The following MYO18B variants were observed in gnomAD, a reference collection of about 807,000 sequenced individuals.
The protein encoded by MYO18B is myosin XVIIIB.
In MYO18B, 204 loss-of-function variants were observed where a neutral mutation model predicts 273.0. That is an observed-to-expected ratio of 0.75 (90% CI 0.67 to 0.84). MYO18B has a LOEUF of 0.84. Among genes scored for constraint, MYO18B ranks in the 40% least tolerant of loss-of-function variants. The probability of loss-of-function intolerance (pLI) is 0.00; values close to 1 mark genes in which losing one functional copy is unlikely to be tolerated. For missense variants in MYO18B, 3,212 were observed against 3,287.6 expected (o/e 0.98, Z 0.56); for synonymous variants, 1,330 against 1,305.7 (o/e 1.02, Z -0.40).
Position 25,769,348 on chromosome 22 carries a change from C to A in MYO18B, c.1432C>A (p.Pro478Thr). The A allele has an allele frequency of 1.9e-6, 3 of 1,577,170 alleles. No individual in the cohort carries two copies. The highest frequency in any genetic ancestry group is 2.6e-6 in the Non-Finnish European group (3 of 1,162,008). ...QPALEKDAER[P>T]RIRKENQDGP... ...TGCTCTGGAGAAGGATGCAGAAAGGCCTCGGATACGGAAGGAGAACCAAGA... is the reference window on the plus strand; with the variant it reads ...TGCTCTGGAGAAGGATGCAGAAAGGACTCGGATACGGAAGGAGAACCAAGA... Residue 478 changes from proline (P) to threonine (T), a missense_variant, in exon 4 of 44, where the codon CCT becomes ACT. Transcript: ENST00000335473.
intron 39 of MYO18B, among the ~76,000 whole-genome samples, chr22:25,965,816 A>C (rs1258322099): frequency 2.0e-5 from 3 of 152,138 alleles, no homozygotes; most frequent in Non-Finnish European, 4.4e-5. Context: ...AAATTCCCTA[A>C]AATTTAGCTA....
intron 34 of MYO18B, among the ~76,000 whole-genome samples, chr22:25,936,859 G>T (rs1467701194): frequency 6.6e-6 from 1 of 151,996 alleles, no homozygotes; most frequent in Admixed American, 6.6e-5. Context: ...TCTCATCATG[G>T]AGGCCCCACC....
At chr22:25,975,328 A>G (rs1230878764) in intron 39 of MYO18B, among the ~76,000 whole-genome samples, 1 of 152,122 alleles carries the variant, frequency 6.6e-6, no homozygotes, top group Non-Finnish European at 1.5e-5. Flanking sequence ...AGATCGCAAA[A>G]GTGTACGGAG....
chr22:25,796,839 C>T (rs925674289), intron 11 of MYO18B, among the ~76,000 whole-genome samples: 1 of 152,224 alleles, frequency 6.6e-6, no homozygotes, highest in Non-Finnish European at 1.5e-5. Flanking sequence ...TTAAAGCCCA[C>T]GCCCTTTAGT....
At chr22:26,051,405 A>T in the MYO18B span, among the ~76,000 whole-genome samples, 1 of 151,892 alleles carries the variant, frequency 6.6e-6, no homozygotes. Flanking sequence ...TTGTATTTTT[A>T]GTAGAGACAG....
intron 1 of MYO18B, among the ~76,000 whole-genome samples, chr22:25,750,858 G>A (rs560926740): frequency 6.6e-6 from 1 of 152,266 alleles, no homozygotes; most frequent in East Asian, 1.9e-4. Context: ...GAAGGATGGC[G>A]GAGTCAGAGC....
chr22:25,754,268 C>G (rs1340795848), intron 1 of MYO18B, among the ~76,000 whole-genome samples: 1 of 152,156 alleles, frequency 6.6e-6, no homozygotes, highest in Non-Finnish European at 1.5e-5. Flanking sequence ...GCAGAGAGAA[C>G]AGCATGTGCA....
chr22:25,802,967 T>TC (rs1048450000), intron 12 of MYO18B, among the ~76,000 whole-genome samples: 13 of 69,714 alleles, frequency 1.9e-4, no homozygotes, highest in African/African-American at 6.8e-4. Context: ...TTTTTCTTTC[T>TC]TTTTTTTTTT....
At chr22:25,929,728 C>T (rs1343355868) in intron 34 of MYO18B, among the ~76,000 whole-genome samples, 1 of 152,108 alleles carries the variant, frequency 6.6e-6, no homozygotes, top group African/African-American at 2.4e-5. Context: ...AGTCATTGTA[C>T]CCTCTAAATA....
chr22:25,783,416 G>A (rs1293522965), intron 10 of MYO18B, among the ~76,000 whole-genome samples: 1 of 152,250 alleles, frequency 6.6e-6, no homozygotes, highest in Non-Finnish European at 1.5e-5. Context: ...TAGGTAGGTG[G>A]GCCCTGAACA....
chr22:26,019,593 A>C (rs1311069471), intron 42 of MYO18B, among the ~76,000 whole-genome samples: 1 of 152,084 alleles, frequency 6.6e-6, no homozygotes, highest in Non-Finnish European at 1.5e-5. Context: ...TTTGTTACAG[A>C]CTCTCTGTTG....
chr22:25,920,236 C>T (rs965920653), intron 33 of MYO18B, among the ~76,000 whole-genome samples: 1 of 152,226 alleles, frequency 6.6e-6, no homozygotes, highest in South Asian at 2.1e-4. Context: ...TTCCTTGAAA[C>T]TCCCCATCTG....
In MYO18B at chr22:25,965,166, T is replaced by G. The variant is rs577482870; in HGVS notation, c.6156+9802T>G. 2.0e-5 allele frequency: 3 copies of G among 152,364 alleles called. No individual in the cohort carries two copies. In the South Asian group the frequency reaches 6.2e-4, roughly 32 times the overall value. 9.4% of individuals were successfully genotyped at this position (152,364 alleles called of 1,614,324 possible). ...CACTTATGGCTCTACTTCTGTTAAATCTAGCATCAATTATATATGGTTCAT... is the reference window on the plus strand; with the variant it reads ...CACTTATGGCTCTACTTCTGTTAAAGCTAGCATCAATTATATATGGTTCAT... On this transcript the variant is annotated intron_variant, in intron 39 of 43. Coordinates refer to ENST00000335473, the MANE Select transcript of MYO18B (RefSeq NM_032608.7).
chr22:25,745,641 T>C (rs1474236277), intron 1 of MYO18B, among the ~76,000 whole-genome samples: 1 of 152,184 alleles, frequency 6.6e-6, no homozygotes, highest in Non-Finnish European at 1.5e-5. Flanking sequence ...TCCCTGATGC[T>C]GATTTACTTT....
intron 39 of MYO18B, among the ~76,000 whole-genome samples, chr22:25,985,286 G>T (rs1029018457): frequency 1.3e-5 from 2 of 152,086 alleles, no homozygotes; most frequent in African/African-American, 4.8e-5. Flanking sequence ...GCTTGAACCT[G>T]GGAGGCAGCG....
chr22:25,751,751 T>A (rs1033272230), intron 1 of MYO18B, among the ~76,000 whole-genome samples: 4 of 152,132 alleles, frequency 2.6e-5, no homozygotes, highest in African/African-American at 9.7e-5. Flanking sequence ...AATATAAGGG[T>A]CATGGGGGAG....
intron 25 of MYO18B, among the ~76,000 whole-genome samples, chr22:25,885,234 T>C (rs1382554279): frequency 6.6e-6 from 1 of 152,194 alleles, no homozygotes; most frequent in Non-Finnish European, 1.5e-5. Context: ...GGTGTTAGTA[T>C]CCCCATCTCA....
chr22:25,955,367 G>A lies in MYO18B; in HGVS notation c.6156+3G>A. ...CCAGCCGGCGGTGCATGGAGCTGGT[G>A]AGTCCTGTCCCCATCATGGGCTCTT... On this transcript the variant is annotated splice_donor_region_variant and intron_variant, in intron 39 of 43. Transcript: ENST00000335473. 2 of 1,611,780 alleles carry A rather than the reference G, an allele frequency of 1.2e-6. No individual in the cohort carries two copies. The highest frequency in any genetic ancestry group is 1.7e-6 in the Non-Finnish European group (2 of 1,178,966).
chr22:26,031,520 C>T (rs2147045142), downstream of MYO18B, among the ~76,000 whole-genome samples: 1 of 152,228 alleles, frequency 6.6e-6, no homozygotes, highest in Non-Finnish European at 1.5e-5. Flanking sequence ...TAGGGTCTGC[C>T]CTAATGACCT....
Sources: allele counts gnomAD v4.1 joint callset (sites outside exome capture counted in the v4.1 genomes callset), GRCh38; gene constraint gnomAD v4.1.1; transcripts MANE v1.5; gene names NCBI Gene and HGNC (gene_info 2026-07-23, HGNC 2026-07-21).